Variants in CSMD1 observed in about 807,000 individuals in gnomAD.
The protein encoded by CSMD1 is CUB and Sushi multiple domains 1.
Under a neutral mutation model 417.5 loss-of-function variants are expected in CSMD1, and 213 were observed. That is an observed-to-expected ratio of 0.51 (90% CI 0.46 to 0.57). The LOEUF is 0.57. CSMD1 is among the 20% of genes least tolerant of loss of function. The pLI is 0.00. For missense variants in CSMD1, 6,923 were observed against 4,529.7 expected (o/e 1.53, Z -15.17); for synonymous variants, 2,862 against 1,736.8 (o/e 1.65, Z -16.11).
chr8:4,036,006 A>C (rs1797597434), intron 3 of CSMD1, among the ~76,000 whole-genome samples: 1 of 152,044 alleles, frequency 6.6e-6, no homozygotes, highest in Non-Finnish European at 1.5e-5. Flanking sequence ...CTGTTTTATT[A>C]CTGTACCTTT....
intron 8 of CSMD1, among the ~76,000 whole-genome samples, chr8:3,597,613 T>G (rs1260389150): frequency 4.6e-5 from 7 of 152,302 alleles, no homozygotes; most frequent in Non-Finnish European, 8.8e-5. Flanking sequence ...GTTCTTAAAA[T>G]GTCTTTGCCC....
intron 3 of CSMD1, among the ~76,000 whole-genome samples, chr8:4,056,170 C>G (rs979611761): frequency 6.8e-6 from 1 of 146,448 alleles, no homozygotes; most frequent in Non-Finnish European, 1.5e-5. Context: ...CAACCTCTGC[C>G]TCTTGGGTTC....
chr8:4,278,114 C>T (rs188621046), intron 3 of CSMD1, among the ~76,000 whole-genome samples: 93 of 152,274 alleles, frequency 6.1e-4, no homozygotes, highest in African/African-American at 2.2e-3. Flanking sequence ...GGTTCTCTTT[C>T]TCCTTATGCT....
rs554276943 is a variant in CSMD1, at chr8:3,469,471, C to A, written c.1449-647G>T. 2.8e-4 allele frequency among the ~76,000 whole-genome samples: 43 copies of A among 152,266 alleles called. No homozygotes were observed. In the South Asian group the frequency reaches 4.4e-3, roughly 15 times the overall value. Reference sequence around the variant, plus strand: ...TCTGGGTCACACCAAATGTGAGTTTCAATGAAGCATTCATTGTGCATTAAC... The same window carrying A: ...TCTGGGTCACACCAAATGTGAGTTTAAATGAAGCATTCATTGTGCATTAAC... On this transcript the variant is annotated intron_variant, in intron 11 of 69. Coordinates refer to ENST00000635120, the MANE Select transcript of CSMD1 (RefSeq NM_033225.6).
At chr8:4,970,269 G>A (rs905947239) in intron 1 of CSMD1, among the ~76,000 whole-genome samples, 3 of 152,072 alleles carry the variant, frequency 2.0e-5, no homozygotes, top group Admixed American at 1.3e-4. Flanking sequence ...TCTTTGATCT[G>A]CCTGTAAGTG....
intron 6 of CSMD1, among the ~76,000 whole-genome samples, chr8:3,709,423 G>A (rs190844340): frequency 6.6e-6 from 1 of 152,202 alleles, no homozygotes. Flanking sequence ...ATAGCTGTGA[G>A]GGTTAGTTTT....
intron 3 of CSMD1, among the ~76,000 whole-genome samples, chr8:4,413,230 G>T (rs554205444): frequency 6.6e-6 from 1 of 152,276 alleles, no homozygotes; most frequent in African/African-American, 2.4e-5. Context: ...AACCATCAGG[G>T]TGCAACTGTG....
chr8:4,491,348 G>T (rs1398732077), intron 2 of CSMD1, among the ~76,000 whole-genome samples: 3 of 152,134 alleles, frequency 2.0e-5, no homozygotes. Context: ...GGGCGCACGT[G>T]TCCAGGATTT....
chr8:2,987,322 T>C (rs904365951), intron 54 of CSMD1, among the ~76,000 whole-genome samples: 1 of 150,968 alleles, frequency 6.6e-6, no homozygotes, highest in Non-Finnish European at 1.5e-5. Context: ...AAAGAGTCCA[T>C]AGGAATTATA....
At chr8:2,958,654 G>C (rs1355444309) in intron 62 of CSMD1, among the ~76,000 whole-genome samples, 1 of 152,228 alleles carries the variant, frequency 6.6e-6, no homozygotes, top group Non-Finnish European at 1.5e-5. Context: ...TACAGGGAGA[G>C]GAAAGCAGCC....
At chr8:3,667,948 T>A (rs574562129) in intron 7 of CSMD1, among the ~76,000 whole-genome samples, 1 of 152,080 alleles carries the variant, frequency 6.6e-6, no homozygotes, top group Non-Finnish European at 1.5e-5. Context: ...CACCCACCCA[T>A]TTCCTCCCTG....
chr8:3,391,110 A>C (rs538979027), intron 17 of CSMD1, among the ~76,000 whole-genome samples: 1 of 152,306 alleles, frequency 6.6e-6, no homozygotes, highest in African/African-American at 2.4e-5. Flanking sequence ...TGCATCCAGT[A>C]CCATTACATC....
Position 3,369,383 on chromosome 8 carries a change from A to C in CSMD1, c.2783-13T>G. On this transcript the variant is annotated splice_polypyrimidine_tract_variant and intron_variant, in intron 18 of 69. Coordinates refer to ENST00000635120, the MANE Select transcript of CSMD1 (RefSeq NM_033225.6). ...CCTCCACATAGAGCTTAAAATAATA[A>C]AGAGAGATGATTACAGCACTAAAGT... 1 of 1,288,684 alleles carries C rather than the reference A, an allele frequency of 7.8e-7. No individual in the cohort carries two copies. The highest frequency in any genetic ancestry group is 2.3e-5 in the East Asian group (1 of 43,128). The allele number at this position is 1,288,684 out of a possible 1,614,324, so 79.8% of individuals were successfully genotyped here.
intron 10 of CSMD1, among the ~76,000 whole-genome samples, chr8:3,551,878 G>T (rs1019173861): frequency 6.6e-6 from 1 of 152,198 alleles, no homozygotes; most frequent in Non-Finnish European, 1.5e-5. Context: ...TGTCTTTAAT[G>T]TGATCATGCT....
rs147125734 is a variant in CSMD1 at position 4,897,720 on chromosome 8, A to G, written c.85+96612T>C. 6.1e-3 allele frequency among the ~76,000 whole-genome samples: 931 copies of G among 152,234 alleles called. 8 individuals are homozygous for G. Among genetic ancestry groups the G allele is most frequent in the African/African-American group, 0.022 (904 of 41,478 alleles). On this transcript the variant is annotated intron_variant, in intron 1 of 69. Transcript: ENST00000635120. Reference sequence around the variant, plus strand: ...TTACTTAAATACATTCTATCTGCGTATTGAAGAATAAATTCTACTCATCAA... The same window carrying G: ...TTACTTAAATACATTCTATCTGCGTGTTGAAGAATAAATTCTACTCATCAA...
At chr8:3,957,446 A>G (rs1417464893) in intron 5 of CSMD1, among the ~76,000 whole-genome samples, 1 of 152,164 alleles carries the variant, frequency 6.6e-6, no homozygotes, top group Admixed American at 6.6e-5. Context: ...GGGAGGCCAA[A>G]GCAGGAGAAG....
chr8:4,191,882 G>C (rs1490626504), intron 3 of CSMD1, among the ~76,000 whole-genome samples: 1 of 151,896 alleles, frequency 6.6e-6, no homozygotes, highest in African/African-American at 2.4e-5. Context: ...ATCAAAATTT[G>C]ACAACAATTC....
At chr8:3,493,485 C>A in intron 11 of CSMD1, 138 bp downstream of exon 11, 1 of 603,908 alleles carries the variant, frequency 1.7e-6, no homozygotes, top group Non-Finnish European at 2.9e-6. Flanking sequence ...AATGAGATTG[C>A]AGGCCACTAC....
chr8:3,670,675 T>A (rs12542589), intron 7 of CSMD1, among the ~76,000 whole-genome samples: 113,661 of 113,850 alleles, frequency 1, 56,737 homozygotes, highest in Middle Eastern at 1. Flanking sequence ...ATGTACATGG[T>A]TATATATGTA....
Sources: gnomAD v4.1 joint callset for allele counts (sites outside exome capture counted in the v4.1 genomes callset) on GRCh38, gnomAD v4.1.1 for gene constraint, MANE v1.5 for transcripts, NCBI Gene and HGNC (gene_info 2026-07-23, HGNC 2026-07-21) for gene names.